Variants in PEBP4 observed in about 807,000 individuals in gnomAD.
PEBP4 encodes phosphatidylethanolamine binding protein 4.
Under a neutral mutation model 23.9 loss-of-function variants are expected in PEBP4, and 22 were observed. The ratio of observed to expected loss-of-function variants is 0.92; its 90% CI spans 0.66 to 1.31. PEBP4 has a LOEUF of 1.31. PEBP4 is among the 40% of genes most tolerant of loss of function. The probability of loss-of-function intolerance (pLI) is 0.00; values close to 1 mark genes in which losing one functional copy is unlikely to be tolerated. For synonymous variants in PEBP4, 112 were observed against 99.3 expected (o/e 1.13, Z -0.76); for missense variants, 324 against 281.7 (o/e 1.15, Z -1.07).
At chr8:22,833,813 T>A (rs1807140188) in intron 3 of PEBP4, among the ~76,000 whole-genome samples, 1 of 152,024 alleles carries the variant, frequency 6.6e-6, no homozygotes, top group Non-Finnish European at 1.5e-5. Context: ...CCCCACTGGG[T>A]GGAGGTTTTG....
At chr8:22,724,701 C>T (rs1804587601) in intron 6 of PEBP4, 142 bp downstream of exon 6, 1 of 656,826 alleles carries the variant, frequency 1.5e-6, no homozygotes, top group South Asian at 1.9e-5. Flanking sequence ...CCAGTTCACT[C>T]CCAAGAAACA....
chr8:22,780,816 G>T (rs1402132115), intron 4 of PEBP4, among the ~76,000 whole-genome samples: 1 of 152,172 alleles, frequency 6.6e-6, no homozygotes, highest in Admixed American at 6.5e-5. Flanking sequence ...GGATGAGAAA[G>T]TCTCTAGGGT....
At chr8:22,873,773 G>A (rs535175187) in intron 3 of PEBP4, among the ~76,000 whole-genome samples, 1 of 152,250 alleles carries the variant, frequency 6.6e-6, no homozygotes, top group East Asian at 1.9e-4. Context: ...TTATTCCTGG[G>A]GAGATTACTT....
In PEBP4 at chr8:22,927,846, G is replaced by A; in HGVS notation, c.-30C>T. 6.6e-6 allele frequency: 8 copies of A among 1,203,860 alleles called. No individual in the cohort carries two copies. The highest frequency in any genetic ancestry group is 9.3e-6 in the Non-Finnish European group (8 of 864,796). 74.6% of individuals were successfully genotyped at this position (1,203,860 alleles called of 1,614,324 possible). ...ACCTCTGGTTAAGCACAGGGAGAAG[G>A]ACAGGCAGCTTCCAGGGCTCCGCAG... is the stretch of plus-strand genomic sequence containing the variant. On this transcript the variant is annotated 5_prime_UTR_variant, in exon 1 of 7. Transcript: ENST00000256404.
At chr8:22,827,722 T>G (rs1471908819) in intron 3 of PEBP4, among the ~76,000 whole-genome samples, 1 of 152,264 alleles carries the variant, frequency 6.6e-6, no homozygotes, top group Non-Finnish European at 1.5e-5. Context: ...TGCAAACACT[T>G]GTTTTCAATT....
chr8:22,765,116 T>TTC (rs560144016), intron 4 of PEBP4, among the ~76,000 whole-genome samples: 5 of 144,898 alleles, frequency 3.5e-5, no homozygotes, highest in African/African-American at 1.3e-4. Flanking sequence ...TTCCTTTATT[T>TTC]CTTCCTTCCT....
intron 4 of PEBP4, among the ~76,000 whole-genome samples, chr8:22,755,326 C>CTTTT (rs547269095): frequency 9.6e-5 from 11 of 114,592 alleles, no homozygotes; most frequent in Non-Finnish European, 1.9e-4. Context: ...TTCTCTCCCT[C>CTTTT]TTTTTTTTTT....
chr8:22,906,937 A>G (rs750903870), intron 3 of PEBP4, among the ~76,000 whole-genome samples: 17 of 152,228 alleles, frequency 1.1e-4, no homozygotes, highest in Admixed American at 2.0e-4. Context: ...TGGTGAAGGA[A>G]AGTGGTGAAG....
rs76665746 is a variant in PEBP4 at position 22,822,022 on chromosome 8, G to A, written c.259-4287C>T. Among the ~76,000 whole-genome samples the A allele has an allele frequency of 4.0e-5, 6 of 150,720 alleles. No homozygotes were observed. The East Asian group carries it at 5.8e-4, about 15-fold the overall frequency. ...AAAGAGGCTGAGGAGAAGAGAGTTC[G>A]GAAGAGAGCCAGGGGAGTTACTGTC... On this transcript the variant is annotated intron_variant, in intron 3 of 6. Coordinates refer to ENST00000256404, the MANE Select transcript of PEBP4 (RefSeq NM_144962.3).
intron 3 of PEBP4, among the ~76,000 whole-genome samples, chr8:22,825,062 T>C (rs1806938565): frequency 6.6e-6 from 1 of 152,220 alleles, no homozygotes; most frequent in Admixed American, 6.5e-5. Context: ...AAGACTTCTG[T>C]GGTGGTCTTG....
chr8:22,829,106 T>C (rs550803991), intron 3 of PEBP4, among the ~76,000 whole-genome samples: 2 of 152,340 alleles, frequency 1.3e-5, no homozygotes, highest in Middle Eastern at 3.4e-3. Context: ...TCTTCACTTG[T>C]GTCTTAATCA....
chr8:22,930,226 AG>A (rs756078096), upstream of PEBP4, among the ~76,000 whole-genome samples: 1 of 152,266 alleles, frequency 6.6e-6, no homozygotes, highest in East Asian at 1.9e-4. Context: ...TTTCTATGCC[AG>A]GGCTGTGATA....
At chr8:22,750,706 G>T (rs899676357) in intron 4 of PEBP4, among the ~76,000 whole-genome samples, 2 of 152,106 alleles carry the variant, frequency 1.3e-5, no homozygotes, top group Non-Finnish European at 2.9e-5. Flanking sequence ...GGTCAGATGG[G>T]CCACTTCCCC....
At chr8:22,807,080 C>G (rs1281792113) in intron 4 of PEBP4, among the ~76,000 whole-genome samples, 2 of 152,228 alleles carry the variant, frequency 1.3e-5, no homozygotes, top group African/African-American at 2.4e-5. Flanking sequence ...ATTTGGGAAT[C>G]CACATTTTCC....
chr8:22,911,612 A>G (rs1208440597), intron 3 of PEBP4, among the ~76,000 whole-genome samples: 2 of 152,222 alleles, frequency 1.3e-5, no homozygotes, highest in East Asian at 1.9e-4. Context: ...AGAGCAGGCA[A>G]CAAGTCCCTG....
intron 3 of PEBP4, among the ~76,000 whole-genome samples, chr8:22,917,128 A>AGGGGGGGGGGGG (rs67211429): frequency 1.8e-5 from 2 of 108,270 alleles, no homozygotes; most frequent in Admixed American, 9.5e-5. Flanking sequence ...GGGGCGGGGG[A>AGGGGGGGGGGGG]GGGGGGGGTG....
chr8:22,807,828 G>A (rs11988583), intron 4 of PEBP4, among the ~76,000 whole-genome samples: 35,730 of 150,612 alleles, frequency 0.24, 4,587 homozygotes, highest in African/African-American at 0.32. Context: ...CATCTACCCA[G>A]TCTCTATCCA....
At chr8:22,878,710 C>A (rs909432247) in intron 3 of PEBP4, among the ~76,000 whole-genome samples, 3 of 152,194 alleles carry the variant, frequency 2.0e-5, no homozygotes, top group African/African-American at 4.8e-5. Context: ...GGGGTGCATT[C>A]CCTGGCTTCA....
intron 4 of PEBP4, among the ~76,000 whole-genome samples, chr8:22,807,475 T>A (rs981959865): frequency 1.3e-5 from 2 of 152,184 alleles, no homozygotes; most frequent in Non-Finnish European, 2.9e-5. Context: ...AAGGAAAGAT[T>A]CACATTTTTG....
Sources: allele counts gnomAD v4.1 joint callset (sites outside exome capture counted in the v4.1 genomes callset), GRCh38; gene constraint gnomAD v4.1.1; transcripts MANE v1.5; gene names NCBI Gene and HGNC (gene_info 2026-07-23, HGNC 2026-07-21).